The following PTPRT variants were observed in gnomAD, a reference collection of about 807,000 sequenced individuals.
PTPRT encodes the protein protein tyrosine phosphatase receptor type T, also known as receptor-type tyrosine-protein phosphatase T.
A neutral mutation model predicts 176.8 loss-of-function variants in PTPRT; 56 were observed. The ratio of observed to expected loss-of-function variants is 0.32; its 90% CI spans 0.26 to 0.40. The LOEUF (loss-of-function observed/expected upper bound fraction) is 0.40, where lower values mean the gene tolerates loss of function less well. Among genes scored for constraint, PTPRT ranks in the 10% least tolerant of loss-of-function variants. The pLI is 1.00. For synonymous variants in PTPRT, 783 were observed against 739.0 expected (o/e 1.06, Z -0.96); for missense variants, 1,540 against 1,908.2 (o/e 0.81, Z 3.60).
intron 1 of PTPRT, among the ~76,000 whole-genome samples, chr20:42,972,640 A>C (rs1383667443): frequency 1.4e-5 from 2 of 139,278 alleles, no homozygotes; most frequent in African/African-American, 5.2e-5. Context: ...CCTGCACTCC[A>C]GCCTGGGCAA....
chr20:42,113,996 A>G (rs1230092269), intron 22 of PTPRT, among the ~76,000 whole-genome samples: 1 of 152,230 alleles, frequency 6.6e-6, no homozygotes, highest in Non-Finnish European at 1.5e-5. Flanking sequence ...TACTGTGTGC[A>G]TGCCGGGCTC....
intron 21 of PTPRT, 111 bp downstream of exon 21, chr20:42,118,292 G>A (rs1036417188): frequency 1.3e-4 from 110 of 854,308 alleles, no homozygotes; most frequent in Non-Finnish European, 1.7e-4. Context: ...GTAGGTTGCC[G>A]TGAGGGTGAA....
intron 7 of PTPRT, among the ~76,000 whole-genome samples, chr20:42,644,254 T>A (rs377200176): frequency 2.6e-5 from 4 of 152,188 alleles, no homozygotes; most frequent in South Asian, 4.2e-4. Context: ...GCCTCCAGAC[T>A]CACCTTTTCT....
chr20:42,598,157 A>G (rs1302912629), intron 7 of PTPRT, among the ~76,000 whole-genome samples: 1 of 152,170 alleles, frequency 6.6e-6, no homozygotes, highest in African/African-American at 2.4e-5. Flanking sequence ...AAGTGATCAA[A>G]AGGTATTTAA....
chr20:42,320,286 C>T (rs909303203), intron 11 of PTPRT, among the ~76,000 whole-genome samples: 3 of 152,194 alleles, frequency 2.0e-5, no homozygotes, highest in African/African-American at 7.2e-5. Flanking sequence ...ATCTTCCTCC[C>T]TCTGGACCCT....
At position 42,615,374 on chromosome 20, in the gene PTPRT, G is replaced by T. The variant is rs529059939; in HGVS notation, c.1153+62492C>A. Among the ~76,000 whole-genome samples the T allele has an allele frequency of 1.6e-4, 22 of 137,718 alleles. 1 individual carries two copies. The highest frequency in any genetic ancestry group is 3.0e-4 in the Non-Finnish European group (20 of 65,794). 90.3% of individuals were successfully genotyped at this position (137,718 alleles called of 152,430 possible). A position where few individuals can be genotyped will look rare whatever the true frequency, so the allele number is the denominator to read the frequency against. On this transcript the variant is annotated intron_variant, in intron 7 of 30. Transcript: ENST00000373187. ...CGGTTGGTTCCAAGTCTTTGCTATT[G>T]TGAATAATGCTGCAATAAACATATG...
At chr20:42,684,303 C>T (rs1354135597) in intron 6 of PTPRT, among the ~76,000 whole-genome samples, 2 of 151,974 alleles carry the variant, frequency 1.3e-5, no homozygotes, top group East Asian at 3.9e-4. Context: ...CAGGATCATG[C>T]CACTGCACTC....
chr20:42,929,991 G>A (rs996556124), intron 1 of PTPRT, among the ~76,000 whole-genome samples: 6 of 152,182 alleles, frequency 3.9e-5, no homozygotes, highest in Non-Finnish European at 8.8e-5. Flanking sequence ...GGCTGCAAAT[G>A]GTCCCCCAAT....
chr20:42,086,173 G>A (rs187211050), intron 27 of PTPRT, among the ~76,000 whole-genome samples: 136 of 152,120 alleles, frequency 8.9e-4, no homozygotes, highest in Non-Finnish European at 1.7e-3. Flanking sequence ...TCCTGACCTC[G>A]GGTGATCCAC....
At chr20:42,532,134 C>T (rs2072395268) in intron 7 of PTPRT, among the ~76,000 whole-genome samples, 1 of 152,130 alleles carries the variant, frequency 6.6e-6, no homozygotes, top group African/African-American at 2.4e-5. Flanking sequence ...ACAGAGCTTT[C>T]TGGATACAGA....
intron 2 of PTPRT, among the ~76,000 whole-genome samples, chr20:42,819,481 G>A (rs1342726681): frequency 6.6e-6 from 1 of 152,064 alleles, no homozygotes; most frequent in East Asian, 1.9e-4. Context: ...AACTATGGAG[G>A]AACTGCATCA....
chr20:42,071,044 C>T (rs1982307811), downstream of PTPRT, among the ~76,000 whole-genome samples: 2 of 152,150 alleles, frequency 1.3e-5, no homozygotes, highest in Non-Finnish European at 2.9e-5. Flanking sequence ...ACCAGGTTCC[C>T]CATGTCATAC....
chr20:43,121,823 A>T lies in PTPRT; in HGVS notation c.88+67823T>A, dbSNP rs73618871. Among the ~76,000 whole-genome samples the T allele has an allele frequency of 1.7e-3, 255 of 152,360 alleles. 2 individuals carry two copies. The East Asian group carries it at 0.021, about 12-fold the overall frequency. ...TTTCCTTGAATTTTTCAAATTCATA[A>T]TAATGCCATCCATAGAGAAGCTAGA... On this transcript the variant is annotated intron_variant, in intron 1 of 30. Coordinates refer to ENST00000373187, the MANE Select transcript of PTPRT (RefSeq NM_007050.6).
intron 1 of PTPRT, among the ~76,000 whole-genome samples, chr20:42,949,240 C>T (rs560421668): frequency 6.6e-6 from 1 of 152,192 alleles, no homozygotes; most frequent in Non-Finnish European, 1.5e-5. Context: ...TCTGCTCTGG[C>T]CTTAGTTATT....
At chr20:42,106,006 C>T (rs1380355524) in intron 24 of PTPRT, among the ~76,000 whole-genome samples, 1 of 152,196 alleles carries the variant, frequency 6.6e-6, no homozygotes, top group Non-Finnish European at 1.5e-5. Flanking sequence ...GAGTGTGGTT[C>T]TGGCGAAAAA....
At chr20:42,090,907 G>C (rs1395682543) in intron 27 of PTPRT, among the ~76,000 whole-genome samples, 1 of 152,184 alleles carries the variant, frequency 6.6e-6, no homozygotes, top group African/African-American at 2.4e-5. Flanking sequence ...CAAGAGTCTA[G>C]ACCAACTGAC....
At chr20:42,998,487 A>C (rs1343614087) in intron 1 of PTPRT, among the ~76,000 whole-genome samples, 6 of 152,322 alleles carry the variant, frequency 3.9e-5, no homozygotes, top group African/African-American at 1.4e-4. Context: ...AGAAGCCGGC[A>C]CTGTCACCCA....
At chr20:42,100,753 T>A (rs1468821050) in intron 26 of PTPRT, among the ~76,000 whole-genome samples, 1 of 152,166 alleles carries the variant, frequency 6.6e-6, no homozygotes, top group Non-Finnish European at 1.5e-5. Context: ...TACACATACA[T>A]GCGCTCATTG....
rs554324762 is a variant in PTPRT at position 43,092,916 on chromosome 20, G to A, written c.88+96730C>T. Among the ~76,000 whole-genome samples the A allele has an allele frequency of 2.0e-3, 300 of 152,240 alleles. 1 individual carries two copies. The highest frequency in any genetic ancestry group is 7.1e-3 in the African/African-American group (293 of 41,544). On this transcript the variant is annotated intron_variant, in intron 1 of 30. Coordinates refer to ENST00000373187, the MANE Select transcript of PTPRT (RefSeq NM_007050.6). ...TAGCCTATACTGACTGATACAATGA[G>A]GCAATGCTTTATAATGTTGTTTGGG...
Sources: gnomAD v4.1 joint callset for allele counts (sites outside exome capture counted in the v4.1 genomes callset) on GRCh38, gnomAD v4.1.1 for gene constraint, MANE v1.5 for transcripts, NCBI Gene and HGNC (gene_info 2026-07-23, HGNC 2026-07-21) for gene names.